The following SVEP1 variants were observed in gnomAD, a reference collection of about 807,000 sequenced individuals.
SVEP1 encodes sushi, von Willebrand factor type A, EGF and pentraxin domain-containing protein 1.
A neutral mutation model predicts 367.3 loss-of-function variants in SVEP1; 164 were observed. The ratio of observed to expected loss-of-function variants is 0.45; its 90% CI spans 0.39 to 0.51. SVEP1 has a LOEUF of 0.51. Among genes scored for constraint, SVEP1 ranks in the 20% least tolerant of loss-of-function variants. The pLI, the probability that SVEP1 is intolerant of heterozygous loss-of-function variation, is 0.00. For synonymous variants in SVEP1, 1,666 were observed against 1,611.6 expected (o/e 1.03, Z -0.81); for missense variants, 4,117 against 4,425.3 (o/e 0.93, Z 1.98).
At chr9:110,428,399 A>C (rs1588048173) in intron 35 of SVEP1, among the ~76,000 whole-genome samples, 2 of 120,178 alleles carry the variant, frequency 1.7e-5, no homozygotes, top group African/African-American at 3.6e-5. Flanking sequence ...CCTCTGTTTA[A>C]ACACACACAC....
chr9:110,558,167 A>G (rs910311035), intron 1 of SVEP1, among the ~76,000 whole-genome samples: 1 of 152,020 alleles, frequency 6.6e-6, no homozygotes, highest in African/African-American at 2.4e-5. Flanking sequence ...TACAAAATCA[A>G]CTGAAGCATT....
intron 1 of SVEP1, among the ~76,000 whole-genome samples, chr9:110,552,137 T>C (rs998684053): frequency 3.3e-5 from 5 of 149,464 alleles, no homozygotes; most frequent in African/African-American, 1.2e-4. Flanking sequence ...GTTCAAGCGA[T>C]TCTCCTGCCT....
chr9:110,564,948 C>T (rs1830472077), intron 1 of SVEP1, among the ~76,000 whole-genome samples: 2 of 151,996 alleles, frequency 1.3e-5, no homozygotes, highest in Non-Finnish European at 1.5e-5. Context: ...CATGCTTCCT[C>T]TTACAATAGG....
intron 3 of SVEP1, among the ~76,000 whole-genome samples, chr9:110,539,722 C>A (rs1316363264): frequency 1.3e-5 from 2 of 151,532 alleles, no homozygotes; most frequent in Non-Finnish European, 2.9e-5. Flanking sequence ...ATTTGCTAGT[C>A]ACCCTTGCAC....
chr9:110,461,756 A>T (rs1931310), intron 18 of SVEP1, among the ~76,000 whole-genome samples: 6,159 of 152,260 alleles, frequency 0.04, 185 homozygotes, highest in Middle Eastern at 0.085. Context: ...AATATCATAG[A>T]TTTTTATGCA....
intron 1 of SVEP1, among the ~76,000 whole-genome samples, chr9:110,552,844 G>T (rs571467492): frequency 6.6e-6 from 1 of 152,284 alleles, no homozygotes; most frequent in South Asian, 2.1e-4. Flanking sequence ...GGGTGGTAAA[G>T]GAGAGGGCAC....
chr9:110,497,954 G>A (rs1829476763), intron 7 of SVEP1, among the ~76,000 whole-genome samples: 1 of 119,828 alleles, frequency 8.3e-6, no homozygotes, highest in African/African-American at 3.2e-5. Context: ...AGACATAATA[G>A]CATATTAACT....
intron 3 of SVEP1, among the ~76,000 whole-genome samples, chr9:110,535,902 T>A (rs1385145873): frequency 6.6e-6 from 1 of 152,074 alleles, no homozygotes; most frequent in Non-Finnish European, 1.5e-5. Context: ...GAATCATGTC[T>A]TCTGCAAATT....
chr9:110,385,115 G>C (rs1489806028), intron 43 of SVEP1, among the ~76,000 whole-genome samples: 3 of 152,136 alleles, frequency 2.0e-5, no homozygotes, highest in Non-Finnish European at 4.4e-5. Context: ...TGAGTAGCTG[G>C]GATTACAGGT....
At chr9:110,406,038 C>T in intron 38 of SVEP1, 122 bp downstream of exon 38, 1 of 1,235,982 alleles carries the variant, frequency 8.1e-7, no homozygotes, top group Non-Finnish European at 1.1e-6. Flanking sequence ...TTAAAAGCAC[C>T]AGTGTTTGGA....
At chr9:110,484,677 C>G (rs1048295656) in intron 9 of SVEP1, among the ~76,000 whole-genome samples, 1 of 152,040 alleles carries the variant, frequency 6.6e-6, no homozygotes, top group African/African-American at 2.4e-5. Flanking sequence ...TGAGAGAACA[C>G]TTTTGCAATC....
Position 110,411,716 on chromosome 9 carries a change from C to G in SVEP1, c.5995G>C (p.Asp1999His). ...CCGTCGGCCAGGCATTCAATGGTGT[C>G]AAGACCAGCAAGAGTATAGCTGTGA... ...CKEGYTLAGLDTIECLADGKW... is the reference protein window; with the variant it reads ...CKEGYTLAGLHTIECLADGKW... Residue 1999 changes from aspartate to histidine, a missense_variant, in exon 37 of 48, where the codon GAC becomes CAC. Coordinates refer to ENST00000374469, the MANE Select transcript of SVEP1 (RefSeq NM_153366.4). 1.3e-6 allele frequency: 2 copies of G among 1,580,772 alleles called. No homozygotes were observed. The highest frequency in any genetic ancestry group is 1.7e-6 in the Non-Finnish European group (2 of 1,163,376).
At chr9:110,540,843 C>T (rs1281845094) in intron 3 of SVEP1, among the ~76,000 whole-genome samples, 1 of 152,116 alleles carries the variant, frequency 6.6e-6, no homozygotes, top group Non-Finnish European at 1.5e-5. Flanking sequence ...GGATCTTGTC[C>T]ATGAAGTAGC....
chr9:110,543,492 C>A (rs541126020), intron 3 of SVEP1, among the ~76,000 whole-genome samples: 1 of 152,146 alleles, frequency 6.6e-6, no homozygotes. Context: ...CAGACTGCTG[C>A]GCCTTTCATC....
chr9:110,571,062 G>C (rs6415810), intron 1 of SVEP1, among the ~76,000 whole-genome samples: 86,790 of 149,148 alleles, frequency 0.58, 25,568 homozygotes, highest in East Asian at 0.91. Flanking sequence ...CTGCAACCTC[G>C]GCCTCCCAGG....
chr9:110,478,390 A>G (rs138221199), intron 13 of SVEP1, among the ~76,000 whole-genome samples: 2 of 152,382 alleles, frequency 1.3e-5, no homozygotes, highest in Non-Finnish European at 2.9e-5. Flanking sequence ...TGTCTAGAAT[A>G]GGACATACTT....
chr9:110,512,994 A>G lies in SVEP1; in HGVS notation c.1235T>C (p.Leu412Pro), dbSNP rs367557370. Residue 412 changes from leucine (L) to proline (P), a missense_variant, in exon 5 of 48, where the codon CTT (leucine) becomes CCT (proline). Physicochemically the swap from Leu to Pro is moderately conservative, Grantham distance 98 (BLOSUM62 -3). Around this residue, in one of 4 missense-constraint regions of SVEP1, gnomAD observed 2,174 missense variants for 2,494.3 expected, o/e 0.87. Coordinates refer to ENST00000374469, the MANE Select transcript of SVEP1 (RefSeq NM_153366.4). ...CGVRCHPGFD[L>P]VGSSIILCLP... Reference sequence around the variant, plus strand: ...ACATAAGATGATGCTGCTTCCCACAAGATCAAATCCAGGGTGACATCGGAC... The same window carrying G: ...ACATAAGATGATGCTGCTTCCCACAGGATCAAATCCAGGGTGACATCGGAC... The G allele has an allele frequency of 1.9e-6, 3 of 1,613,898 alleles. No homozygotes were observed. Among genetic ancestry groups the G allele is most frequent in the African/African-American group, 1.3e-5 (1 of 74,926 alleles).
chr9:110,497,004 C>G, intron 7 of SVEP1, 71 bp from the exon 8 acceptor site: 2 of 1,011,238 alleles, frequency 2.0e-6, no homozygotes, highest in Non-Finnish European at 1.4e-6. Context: ...GGAAGAGGTA[C>G]AAATCTAGTT....
intron 24 of SVEP1, among the ~76,000 whole-genome samples, chr9:110,448,440 A>G (rs760457039): frequency 3.9e-5 from 6 of 152,232 alleles, no homozygotes; most frequent in Non-Finnish European, 8.8e-5. Context: ...AACAGTGTCT[A>G]ATAGGAATAA....
Sources: allele counts gnomAD v4.1 joint callset (sites outside exome capture counted in the v4.1 genomes callset), GRCh38; gene constraint gnomAD v4.1.1; regional missense constraint gnomAD v4.1.1; transcripts MANE v1.5; gene names NCBI Gene and HGNC (gene_info 2026-07-23, HGNC 2026-07-21).